The following PCLO variants were observed in gnomAD, a reference collection of about 807,000 sequenced individuals.
PCLO encodes the protein protein piccolo.
In PCLO, 82 loss-of-function variants were observed where a neutral mutation model predicts 427.5. The observed-to-expected ratio is 0.19, with a 90% CI of 0.16 to 0.23. The LOEUF (loss-of-function observed/expected upper bound fraction) is 0.23. Among genes scored for constraint, PCLO ranks in the 10% least tolerant of loss-of-function variants. PCLO has a pLI of 1.00. For missense variants in PCLO, 6,239 were observed against 6,115.9 expected, an observed-to-expected ratio of 1.02 and a Z score of -0.67; for synonymous variants, 2,357 against 2,155.4, an observed-to-expected ratio of 1.09 and a Z score of -2.59.
chr7:83,122,064 T>A (rs1319766778), intron 3 of PCLO, among the ~76,000 whole-genome samples: 1 of 152,094 alleles, frequency 6.6e-6, no homozygotes, highest in Non-Finnish European at 1.5e-5. Context: ...AACCATATGA[T>A]CCTTTTAACT....
chr7:83,077,317 G>T (rs1028431047), intron 3 of PCLO, among the ~76,000 whole-genome samples: 11 of 152,024 alleles, frequency 7.2e-5, no homozygotes, highest in Admixed American at 7.2e-4. Flanking sequence ...CAAAGGGCTC[G>T]TTCTTAGTCA....
At chr7:83,050,904 A>ACT (rs1418343216) in intron 3 of PCLO, among the ~76,000 whole-genome samples, 1 of 151,582 alleles carries the variant, frequency 6.6e-6, no homozygotes, top group African/African-American at 2.4e-5. Flanking sequence ...CAAGAGTGAA[A>ACT]CTCTCTCTCT....
intron 3 of PCLO, among the ~76,000 whole-genome samples, chr7:83,027,498 T>G (rs1361717829): frequency 6.6e-6 from 1 of 151,972 alleles, no homozygotes; most frequent in Non-Finnish European, 1.5e-5. Context: ...CAGGACCAGA[T>G]AGATTCACAG....
At chr7:82,971,821 G>C (rs778004221) in intron 3 of PCLO, among the ~76,000 whole-genome samples, 6 of 149,402 alleles carry the variant, frequency 4.0e-5, no homozygotes, top group Non-Finnish European at 5.9e-5. Flanking sequence ...ACAAAATATA[G>C]ATGCTTAAGG....
chr7:83,033,260 A>T lies in PCLO; in HGVS notation c.3301-66773T>A, dbSNP rs1354880863. On this transcript the variant is annotated intron_variant, in intron 3 of 24. Coordinates refer to ENST00000333891, the MANE Select transcript of PCLO (RefSeq NM_033026.6). ...AGAAGGGTTAAAGGCAATCAGACTG[A>T]TTTGATTAGGAATACCCATCTAACT... Among the ~76,000 whole-genome samples the T allele has an allele frequency of 3.3e-5, 5 of 152,172 alleles. No homozygotes were observed. The East Asian group carries it at 9.6e-4, about 29-fold the overall frequency.
intron 10 of PCLO, among the ~76,000 whole-genome samples, chr7:82,860,400 A>G (rs571128289): frequency 6.6e-6 from 1 of 152,272 alleles, no homozygotes; most frequent in East Asian, 1.9e-4. Flanking sequence ...GGAGAGTGAT[A>G]TGACTTATTT....
rs200574614 is a variant in PCLO, at chr7:82,952,526, G to A, written c.8427C>T (p.Gly2809=). ...TCTASASYTT[G]TESLVGAEHA... is the part of the protein sequence containing the mutation. The stretch of plus-strand genomic sequence containing the variant: ...GTTCTGCACCCACTAGGCTTTCTGT[G>A]CCTGTAGTGTAACTTGCACTAGCTG... Residue 2809 remains glycine (G), a synonymous_variant, in exon 5 of 25, where the codon GGC becomes GGT. Coordinates refer to ENST00000333891, the MANE Select transcript of PCLO (RefSeq NM_033026.6). 2.5e-6 allele frequency: 4 copies of A among 1,613,818 alleles called. No homozygotes were observed. The highest frequency in any genetic ancestry group is 3.3e-4 in the Middle Eastern group (2 of 6,084).
intron 10 of PCLO, among the ~76,000 whole-genome samples, chr7:82,862,643 C>T (rs111758413): frequency 1.6e-3 from 236 of 146,394 alleles, no homozygotes; most frequent in African/African-American, 5.8e-3. Context: ...GAAAAGGTGA[C>T]ATATACACAA....
rs751390415 is a variant in PCLO, at chr7:82,949,912, G to C, written c.10676C>G (p.Thr3559Ser). 4 of 1,613,592 alleles carry C rather than the reference G, an allele frequency of 2.5e-6. No individual in the cohort carries two copies. Among genetic ancestry groups the C allele is most frequent in the Admixed American group, 3.3e-5 (2 of 59,972 alleles). ...ACATCCTAAACTGCCCCCTTTGTAA[G>C]TCTTTTCAGGTGCTGAAATGTGTTT... Reference protein sequence around the residue: ...IIKHISAPEKTYKGGSLGCQT... With the variant: ...IIKHISAPEKSYKGGSLGCQT... The change falls in exon 6 of 25, where the codon ACT becomes AGT. Residue 3559 changes from threonine (T) to serine (S), a missense_variant. Around this residue, in one of 5 missense-constraint regions of PCLO, gnomAD observed 4,677 missense variants for 4,468.4 expected, o/e 1.05. Coordinates refer to ENST00000333891, the MANE Select transcript of PCLO (RefSeq NM_033026.6).
chr7:82,892,659 A>C (rs1793798581), intron 9 of PCLO, among the ~76,000 whole-genome samples: 1 of 152,224 alleles, frequency 6.6e-6, no homozygotes, highest in African/African-American at 2.4e-5. Context: ...AATGGGAGAA[A>C]ATTTTTGCAA....
chr7:82,821,035 C>T, intron 20 of PCLO: 3 of 1,196,708 alleles, frequency 2.5e-6, no homozygotes, highest in Admixed American at 4.4e-5. Context: ...ATCAGACAAT[C>T]TCTAAAAATT....
At chr7:82,995,559 G>A (rs984792394) in intron 3 of PCLO, among the ~76,000 whole-genome samples, 2 of 151,870 alleles carry the variant, frequency 1.3e-5, no homozygotes, top group African/African-American at 4.8e-5. Context: ...TGAAGGGGTG[G>A]GTGGAAATAT....
At chr7:83,162,212 C>A in intron 1 of PCLO, 133 bp downstream of exon 1, 1 of 1,056,510 alleles carries the variant, frequency 9.5e-7, no homozygotes. Context: ...CTCTCTATGG[C>A]CACCCCACTG....
At chr7:82,888,690 C>T (rs1178368915) in intron 9 of PCLO, among the ~76,000 whole-genome samples, 1 of 152,104 alleles carries the variant, frequency 6.6e-6, no homozygotes, top group Non-Finnish European at 1.5e-5. Context: ...TAAACTTAGA[C>T]TATTTATTTG....
intron 8 of PCLO, among the ~76,000 whole-genome samples, chr7:82,903,095 G>A (rs1794097658): frequency 6.6e-6 from 1 of 151,940 alleles, no homozygotes; most frequent in Non-Finnish European, 1.5e-5. Context: ...ATTGCCAGCT[G>A]TTGATTTTGC....
chr7:82,900,702 GA>G (rs1046877091), intron 9 of PCLO, among the ~76,000 whole-genome samples: 1 of 151,068 alleles, frequency 6.6e-6, no homozygotes, highest in East Asian at 1.9e-4. Context: ...TCCTGGACCA[GA>G]AAAAAAATAA....
chr7:82,965,963 C>A lies in PCLO; in HGVS notation c.3825G>T (p.Lys1275Asn). Residue 1275 changes from lysine (K) to asparagine (N), a missense_variant, in exon 4 of 25, where the codon AAG (lysine) becomes AAT (asparagine). By Grantham distance (94) the Lys-to-Asn change is moderately conservative (BLOSUM62 0). This residue lies in a region of PCLO where 4,677 missense variants were observed against 4,468.4 expected (regional missense o/e 1.05). Coordinates refer to ENST00000333891, the MANE Select transcript of PCLO (RefSeq NM_033026.6). ...LKSQVQIAEE[K>N]LEGRVAPKTV... The stretch of plus-strand genomic sequence containing the variant: ...TCTTTGGAGCCACTCTGCCTTCAAG[C>A]TTTTCTTCAGCAATTTGTACTTGAG... The A allele has an allele frequency of 1.2e-6, 2 of 1,613,814 alleles. No homozygotes were observed. Among genetic ancestry groups the A allele is most frequent in the Non-Finnish European group, 1.7e-6 (2 of 1,179,860 alleles).
At chr7:82,877,128 G>T (rs1181990458) in intron 10 of PCLO, among the ~76,000 whole-genome samples, 2 of 151,946 alleles carry the variant, frequency 1.3e-5, no homozygotes, top group Non-Finnish European at 2.9e-5. Context: ...TCTTGAGATG[G>T]TATCATATCT....
intron 10 of PCLO, among the ~76,000 whole-genome samples, chr7:82,852,928 A>T (rs1226852906): frequency 6.6e-6 from 1 of 152,110 alleles, no homozygotes; most frequent in Non-Finnish European, 1.5e-5. Context: ...TCTGTATGAG[A>T]TCAACATTTT....
Sources: gnomAD v4.1 joint callset for allele counts (sites outside exome capture counted in the v4.1 genomes callset) on GRCh38, gnomAD v4.1.1 for gene constraint, gnomAD v4.1.1 regional missense constraint, MANE v1.5 for transcripts, NCBI Gene and HGNC (gene_info 2026-07-23, HGNC 2026-07-21) for gene names.